Variants in RANBP3 observed in about 807,000 individuals in gnomAD.
RANBP3 encodes the protein RAN binding protein 3, also known as ran-binding protein 3.
A neutral mutation model predicts 77.3 loss-of-function variants in RANBP3; 14 were observed. The ratio of observed to expected loss-of-function variants is 0.18; its 90% CI spans 0.12 to 0.28. The LOEUF (loss-of-function observed/expected upper bound fraction) is 0.28, where lower values mean the gene tolerates loss of function less well. Ranked by LOEUF, RANBP3 falls within the 10% of genes least tolerant of loss-of-function variation. The probability of loss-of-function intolerance (pLI) is 1.00; values close to 1 mark genes in which losing one functional copy is unlikely to be tolerated. For missense variants in RANBP3, 586 were observed against 752.3 expected (o/e 0.78, Z 2.59); for synonymous variants, 315 against 312.4 (o/e 1.01, Z -0.09).
At chr19:5,946,552 T>G (rs546761204) in intron 3 of RANBP3, among the ~76,000 whole-genome samples, 1 of 152,224 alleles carries the variant, frequency 6.6e-6, no homozygotes, top group Non-Finnish European at 1.5e-5. Flanking sequence ...TGCCAGCAAC[T>G]CTCCACTAAG....
chr19:5,962,938 C>G (rs909126511), intron 1 of RANBP3, among the ~76,000 whole-genome samples: 4 of 152,096 alleles, frequency 2.6e-5, no homozygotes, highest in Non-Finnish European at 4.4e-5. Context: ...GTGTGAACAC[C>G]GCTACCTCCA....
Position 5,941,796 on chromosome 19 carries a change from T to C in RANBP3, c.319+3A>G. ...TGGTCAAAGGTGTTAGAGAGCTCCT[T>C]ACCTTCTCCGCCTTCAGGACTGGAG... On this transcript the variant is annotated splice_donor_region_variant and intron_variant, in intron 4 of 16. Coordinates refer to ENST00000340578, the MANE Select transcript of RANBP3 (RefSeq NM_007322.3). 2 of 1,612,192 alleles carry C rather than the reference T, an allele frequency of 1.2e-6. No homozygotes were observed. Among genetic ancestry groups the C allele is most frequent in the Non-Finnish European group, 1.7e-6 (2 of 1,180,006 alleles).
intron 5 of RANBP3, among the ~76,000 whole-genome samples, chr19:5,939,045 C>T (rs1424254784): frequency 2.6e-5 from 4 of 152,010 alleles, no homozygotes; most frequent in African/African-American, 9.7e-5. Flanking sequence ...ATTACCCCGG[C>T]ATTGTGGTGT....
chr19:5,971,200 C>T (rs939001349), intron 1 of RANBP3, among the ~76,000 whole-genome samples: 1 of 152,044 alleles, frequency 6.6e-6, no homozygotes, highest in African/African-American at 2.4e-5. Flanking sequence ...TTATAATAAA[C>T]TCCAGAAAGG....
At chr19:5,949,537 G>A (rs2058249254) in intron 3 of RANBP3, among the ~76,000 whole-genome samples, 3 of 152,140 alleles carry the variant, frequency 2.0e-5, no homozygotes, top group African/African-American at 7.2e-5. Context: ...AAACTACAAG[G>A]TGCATGTTAT....
At chr19:5,934,909 T>C (rs552439052) in intron 5 of RANBP3, among the ~76,000 whole-genome samples, 42 of 152,330 alleles carry the variant, frequency 2.8e-4, no homozygotes, top group African/African-American at 9.9e-4. Context: ...TGCTGTCTGA[T>C]TGCATTTCTG....
intron 2 of RANBP3, among the ~76,000 whole-genome samples, chr19:5,953,738 C>T (rs2058301830): frequency 6.6e-6 from 1 of 152,118 alleles, no homozygotes; most frequent in Non-Finnish European, 1.5e-5. Flanking sequence ...CATTTTTGCC[C>T]CGGAAACAAT....
At chr19:5,929,001 G>A (rs2057951196) in intron 8 of RANBP3, among the ~76,000 whole-genome samples, 1 of 152,198 alleles carries the variant, frequency 6.6e-6, no homozygotes. Context: ...GTCGTGAAGG[G>A]ACCTGACAAC....
intron 1 of RANBP3, among the ~76,000 whole-genome samples, chr19:5,977,733 C>T (rs1430190406): frequency 6.6e-6 from 1 of 152,228 alleles, no homozygotes; most frequent in Non-Finnish European, 1.5e-5. Context: ...ACATCCGTGG[C>T]CGAAGCACTG....
intron 1 of RANBP3, among the ~76,000 whole-genome samples, chr19:5,968,485 C>T (rs1389682299): frequency 2.0e-5 from 3 of 152,236 alleles, no homozygotes; most frequent in African/African-American, 7.2e-5. Context: ...GATGATTCCA[C>T]ACTGGCACTG....
At chr19:5,926,957 C>T (rs2057918938) in intron 9 of RANBP3, among the ~76,000 whole-genome samples, 1 of 152,162 alleles carries the variant, frequency 6.6e-6, no homozygotes, top group African/African-American at 2.4e-5. Context: ...GTCGACACTA[C>T]TGACATGTTG....
chr19:5,951,853 A>G (rs1048832019), intron 2 of RANBP3, among the ~76,000 whole-genome samples: 2 of 152,080 alleles, frequency 1.3e-5, no homozygotes, highest in African/African-American at 4.8e-5. Context: ...GAGAAGCAGG[A>G]CCCTCGTTTC....
intron 9 of RANBP3, among the ~76,000 whole-genome samples, chr19:5,927,531 C>T (rs1049505376): frequency 2.0e-5 from 3 of 152,188 alleles, no homozygotes; most frequent in South Asian, 2.1e-4. Flanking sequence ...GTGCCCAGGG[C>T]GACTCCTCAG....
rs10404724 is a variant in RANBP3, at chr19:5,971,820, A to G, written c.22+6241T>C. Among the ~76,000 whole-genome samples, 1,159 of 152,274 alleles carry G rather than the reference A, an allele frequency of 7.6e-3. 11 individuals are homozygous for G. The highest frequency in any genetic ancestry group is 0.026 in the African/African-American group (1,064 of 41,550). On this transcript the variant is annotated intron_variant, in intron 1 of 16. Coordinates refer to ENST00000340578, the MANE Select transcript of RANBP3 (RefSeq NM_007322.3). ...TAGGAGTCTGTATAATAGGATTGAA[A>G]CCCAAATACCAACCAAGGTCACAGG... is the stretch of plus-strand genomic sequence containing the variant.
In RANBP3 at chr19:5,916,173, A is replaced by G. The variant is rs2144988139; in HGVS notation, c.*1437T>C. On this transcript the variant is annotated 3_prime_UTR_variant, in exon 17 of 17. Transcript: ENST00000340578. ...AAAGTTTAATGTAGTTCCCAAATAC[A>G]TTTCATATGACAATCTTACATAAAT... 2 of 152,262 alleles carry G rather than the reference A, an allele frequency of 1.3e-5. No homozygotes were observed. The highest frequency in any genetic ancestry group is 1.9e-4 in the East Asian group (1 of 5,156). The allele number at this position is 152,262 out of a possible 1,614,324, so 9.4% of individuals were successfully genotyped here.
At chr19:5,929,944 T>C (rs2057966422) in intron 8 of RANBP3, among the ~76,000 whole-genome samples, 1 of 152,074 alleles carries the variant, frequency 6.6e-6, no homozygotes, top group South Asian at 2.1e-4. Flanking sequence ...GCTCAACCAT[T>C]TGGGAACAAG....
intron 5 of RANBP3, among the ~76,000 whole-genome samples, chr19:5,939,708 C>T (rs1329972996): frequency 2.0e-5 from 3 of 152,166 alleles, no homozygotes; most frequent in Admixed American, 1.3e-4. Context: ...CGGGAGGAGA[C>T]GGAACAGCAC....
At chr19:5,937,499 G>A (rs2058082193) in intron 5 of RANBP3, among the ~76,000 whole-genome samples, 1 of 152,198 alleles carries the variant, frequency 6.6e-6, no homozygotes, top group South Asian at 2.1e-4. Flanking sequence ...AGGTATGTGT[G>A]GTAGGACCAG....
rs943672269 is a variant in RANBP3 at position 5,924,478 on chromosome 19, G to A, written c.996+349C>T. 5.3e-5 allele frequency among the ~76,000 whole-genome samples: 8 copies of A among 152,248 alleles called. No individual in the cohort carries two copies. Among genetic ancestry groups the A allele is most frequent in the African/African-American group, 1.7e-4 (7 of 41,468 alleles). ...GGCCAGCAACCCTGTCCACCAGCACGGCTGGCTCCGTCCCACAGGACTTTT... is the reference window on the plus strand; with the variant it reads ...GGCCAGCAACCCTGTCCACCAGCACAGCTGGCTCCGTCCCACAGGACTTTT... On this transcript the variant is annotated intron_variant, in intron 11 of 16. Coordinates refer to ENST00000340578, the MANE Select transcript of RANBP3 (RefSeq NM_007322.3). This position sits in a 1 kb window ranked among gnomAD's most constrained non-coding sequence, Gnocchi z 4.7.
Sources: allele counts gnomAD v4.1 joint callset (sites outside exome capture counted in the v4.1 genomes callset), GRCh38; gene constraint gnomAD v4.1.1; non-coding constraint Gnocchi (gnomAD v3.1); transcripts MANE v1.5; gene names NCBI Gene and HGNC (gene_info 2026-07-23, HGNC 2026-07-21).